The following NAALADL2 variants were observed in gnomAD, a reference collection of about 807,000 sequenced individuals.
NAALADL2 encodes N-acetylated alpha-linked acidic dipeptidase like 2, also known as inactive N-acetylated-alpha-linked acidic dipeptidase-like protein 2.
Under a neutral mutation model 87.2 loss-of-function variants are expected in NAALADL2, and 76 were observed. The observed-to-expected ratio is 0.87, with a 90% CI of 0.72 to 1.05. The LOEUF is 1.05. Among genes scored for constraint, NAALADL2 ranks in the 50% least tolerant of loss-of-function variants. NAALADL2 has a pLI of 0.00. For missense variants in NAALADL2, 1,089 were observed against 945.8 expected, an observed-to-expected ratio of 1.15 and a Z score of -1.99; for synonymous variants, 354 against 331.0, an observed-to-expected ratio of 1.07 and a Z score of -0.75.
At chr3:175,145,830 G>C (rs1008310552) in intron 2 of NAALADL2, among the ~76,000 whole-genome samples, 4 of 151,646 alleles carry the variant, frequency 2.6e-5, no homozygotes, top group Non-Finnish European at 4.4e-5. Flanking sequence ...TCTAAAACAA[G>C]TCTTCCTACC....
intron 5 of NAALADL2, among the ~76,000 whole-genome samples, chr3:175,389,435 ATTATC>A (rs1461075133): frequency 1.3e-5 from 2 of 152,210 alleles, no homozygotes; most frequent in African/African-American, 2.4e-5. Flanking sequence ...AAATTGAAAT[ATTATC>A]TTATCAATAT....
chr3:174,830,430 C>T (rs559440536), intron 3 of NAALADL2, among the ~76,000 whole-genome samples: 67 of 152,098 alleles, frequency 4.4e-4, no homozygotes, highest in Admixed American at 9.2e-4. Context: ...TATAGATATG[C>T]GGTGTTATTT....
chr3:175,051,718 G>A (rs1479043267), intron 1 of NAALADL2, among the ~76,000 whole-genome samples: 1 of 152,210 alleles, frequency 6.6e-6, no homozygotes, highest in Non-Finnish European at 1.5e-5. Flanking sequence ...GTGGACTTTA[G>A]GAGGTGAAAA....
chr3:175,660,635 T>C (rs1732121969), intron 11 of NAALADL2, among the ~76,000 whole-genome samples: 1 of 152,108 alleles, frequency 6.6e-6, no homozygotes. Context: ...TTTTTGTACC[T>C]GTTAACCAAT....
intron 1 of NAALADL2, among the ~76,000 whole-genome samples, chr3:174,548,469 T>C (rs1158427147): frequency 1.3e-5 from 2 of 152,198 alleles, no homozygotes; most frequent in Non-Finnish European, 2.9e-5. Context: ...TTCTCACTAA[T>C]GCTTATCTAC....
chr3:174,755,413 C>T (rs557283334), intron 3 of NAALADL2, among the ~76,000 whole-genome samples: 56 of 152,246 alleles, frequency 3.7e-4, no homozygotes, highest in Admixed American at 7.8e-4. Flanking sequence ...AATGAATGTC[C>T]TCATTTGGTC....
At chr3:174,801,977 A>G (rs150300790) in intron 3 of NAALADL2, among the ~76,000 whole-genome samples, 276 of 152,180 alleles carry the variant, frequency 1.8e-3, no homozygotes, top group African/African-American at 6.4e-3. Flanking sequence ...TTTGATACAA[A>G]TGAATAATTT....
At chr3:175,639,644 A>C (rs535428255) in intron 11 of NAALADL2, among the ~76,000 whole-genome samples, 1 of 152,202 alleles carries the variant, frequency 6.6e-6, no homozygotes, top group East Asian at 1.9e-4. Context: ...GTATACAGAG[A>C]ATAGGGAACA....
At chr3:175,205,183 C>T (rs1422503785) in intron 2 of NAALADL2, among the ~76,000 whole-genome samples, 1 of 152,154 alleles carries the variant, frequency 6.6e-6, no homozygotes, top group South Asian at 2.1e-4. Context: ...CTAGAGGCAT[C>T]ACACTACCTG....
chr3:175,121,621 A>G (rs934646663), intron 2 of NAALADL2, among the ~76,000 whole-genome samples: 3 of 151,788 alleles, frequency 2.0e-5, no homozygotes, highest in Non-Finnish European at 4.4e-5. Flanking sequence ...TAAAATTGAA[A>G]CCTACATATT....
chr3:175,730,129 G>A (rs989658965), intron 11 of NAALADL2, among the ~76,000 whole-genome samples: 7 of 151,596 alleles, frequency 4.6e-5, no homozygotes, highest in African/African-American at 1.7e-4. Context: ...TGACAAATTC[G>A]TTAAAAGCAT....
chr3:175,467,046 T>C lies in NAALADL2; in HGVS notation c.1395T>C (p.Ser465=), dbSNP rs372590700. 1.8e-5 allele frequency: 29 copies of C among 1,613,850 alleles called. No individual in the cohort carries two copies. The African/African-American group carries it at 3.7e-4, about 21-fold the overall frequency. Residue 465 remains serine (S), a synonymous_variant, in exon 8 of 14, where the codon AGT becomes AGC. Coordinates refer to ENST00000454872, the MANE Select transcript of NAALADL2 (RefSeq NM_207015.3). ...GTTATAATGGACAAGAATGGGCCAG[T>C]AGTACTGCAATAATCACAGCGTTTA... The part of the protein sequence containing the change: ...AHSYNGQEWA[S]STAIITAFIR...
intron 4 of NAALADL2, among the ~76,000 whole-genome samples, chr3:175,314,290 T>C (rs1412898370): frequency 6.6e-6 from 1 of 151,612 alleles, no homozygotes; most frequent in African/African-American, 2.4e-5. Context: ...GCAAGAAATA[T>C]GGAATCAGCC....
At chr3:175,194,593 ACT>A (rs1455236643) in intron 2 of NAALADL2, among the ~76,000 whole-genome samples, 1 of 151,854 alleles carries the variant, frequency 6.6e-6, no homozygotes, top group Non-Finnish European at 1.5e-5. Context: ...CTCTATAAAT[ACT>A]GAGTTGTTAT....
intron 11 of NAALADL2, among the ~76,000 whole-genome samples, chr3:175,628,051 A>G (rs943907332): frequency 1.3e-5 from 2 of 151,686 alleles, no homozygotes; most frequent in Non-Finnish European, 3.0e-5. Context: ...TTATATTTTT[A>G]ACATACAGAT....
At chr3:174,812,239 G>T (rs1720299638) in intron 3 of NAALADL2, among the ~76,000 whole-genome samples, 2 of 151,930 alleles carry the variant, frequency 1.3e-5, no homozygotes, top group Admixed American at 1.3e-4. Context: ...CTTGCTCCTA[G>T]ATACACAATC....
chr3:174,830,899 C>G (rs1722600096), intron 3 of NAALADL2, among the ~76,000 whole-genome samples: 1 of 151,458 alleles, frequency 6.6e-6, no homozygotes, highest in Non-Finnish European at 1.5e-5. Context: ...CATGATTTGG[C>G]TCTCTGTTTG....
At chr3:174,467,956 A>G (rs1372601738) in intron 1 of NAALADL2, among the ~76,000 whole-genome samples, 2 of 152,086 alleles carry the variant, frequency 1.3e-5, no homozygotes, top group Non-Finnish European at 2.9e-5. Flanking sequence ...AATGTTATGT[A>G]TATTTTGATA....
chr3:174,835,707 C>G lies in NAALADL2; in HGVS notation c.-9+97961C>G, dbSNP rs77305765. ...AATGTGCAAATAAGTTGAATAGACA[C>G]TTCTTTAACGAAGATATACAAATGA... On this transcript the variant is annotated intron_variant, in intron 3 of 3. Transcript: ENST00000434257. 1.8e-4 allele frequency among the ~76,000 whole-genome samples: 28 copies of G among 152,174 alleles called. No homozygotes were observed. The East Asian group carries it at 4.8e-3, about 26-fold the overall frequency.
Sources: gnomAD v4.1 joint callset for allele counts (sites outside exome capture counted in the v4.1 genomes callset) on GRCh38, gnomAD v4.1.1 for gene constraint, MANE v1.5 for transcripts, NCBI Gene and HGNC (gene_info 2026-07-23, HGNC 2026-07-21) for gene names.